The following SETBP1 variants were observed in gnomAD, a reference collection of about 807,000 sequenced individuals.
SETBP1 encodes the protein SET-binding protein.
A neutral mutation model predicts 101.0 loss-of-function variants in SETBP1; 9 were observed. The ratio of observed to expected loss-of-function variants is 0.09; its 90% confidence interval spans 0.05 to 0.16. The LOEUF is 0.16. SETBP1 is among the 10% of genes least tolerant of loss of function. The pLI, the probability that SETBP1 is intolerant of heterozygous loss-of-function variation, is 1.00. For synonymous variants in SETBP1, 818 were observed against 788.5 expected, an observed-to-expected ratio of 1.04 and a Z score of -0.63; for missense variants, 1,858 against 2,033.8, an observed-to-expected ratio of 0.91 and a Z score of 1.66.
chr18:44,916,768 A>C (rs1257145644), intron 3 of SETBP1, among the ~76,000 whole-genome samples: 1 of 152,258 alleles, frequency 6.6e-6, no homozygotes, highest in Non-Finnish European at 1.5e-5. Flanking sequence ...TGTCAACCTC[A>C]GACAAGTCAT....
At chr18:44,710,901 G>A (rs376196858) in intron 2 of SETBP1, among the ~76,000 whole-genome samples, 52 of 152,328 alleles carry the variant, frequency 3.4e-4, no homozygotes, top group African/African-American at 1.2e-3. Context: ...CCCCTATGGA[G>A]CCATCAGTGG....
intron 4 of SETBP1, among the ~76,000 whole-genome samples, chr18:44,980,290 A>T (rs2072083430): frequency 6.6e-6 from 1 of 152,200 alleles, no homozygotes; most frequent in Non-Finnish European, 1.5e-5. Flanking sequence ...AACTGTTTTT[A>T]GGGCTCAGCA....
intron 2 of SETBP1, among the ~76,000 whole-genome samples, chr18:44,767,893 A>G (rs1044337063): frequency 6.6e-6 from 1 of 152,244 alleles, no homozygotes; most frequent in African/African-American, 2.4e-5. Context: ...TAGGAAGCTG[A>G]TAAAGGATAG....
chr18:44,858,020 G>T (rs377323979), intron 2 of SETBP1, among the ~76,000 whole-genome samples: 1 of 152,110 alleles, frequency 6.6e-6, no homozygotes, highest in Admixed American at 6.5e-5. Flanking sequence ...AGTTTCTGGC[G>T]ACACAGCTGC....
chr18:44,917,721 G>A (rs1263428972), intron 3 of SETBP1, among the ~76,000 whole-genome samples: 1 of 152,142 alleles, frequency 6.6e-6, no homozygotes, highest in Admixed American at 6.5e-5. Flanking sequence ...AAGCCTGCCA[G>A]TGTCTGTTTC....
intron 3 of SETBP1, among the ~76,000 whole-genome samples, chr18:44,923,525 A>G (rs187831999): frequency 1.3e-5 from 2 of 152,326 alleles, no homozygotes; most frequent in East Asian, 1.9e-4. Flanking sequence ...AATTTGTCCT[A>G]TGCCAGCCAT....
intron 4 of SETBP1, among the ~76,000 whole-genome samples, chr18:44,974,012 C>A (rs1004410349): frequency 2.4e-4 from 37 of 151,918 alleles, no homozygotes; most frequent in African/African-American, 8.5e-4. Context: ...TGGTCAATAC[C>A]TATGTAAAAT....
chr18:44,962,907 TAAA>T (rs2071642137), intron 4 of SETBP1, among the ~76,000 whole-genome samples: 1 of 152,082 alleles, frequency 6.6e-6, no homozygotes, highest in South Asian at 2.1e-4. Flanking sequence ...GACCCAGAGA[TAAA>T]AAGCTTTCCC....
At chr18:44,712,773 G>T (rs1037118741) in intron 2 of SETBP1, among the ~76,000 whole-genome samples, 1 of 151,994 alleles carries the variant, frequency 6.6e-6, no homozygotes, top group Admixed American at 6.6e-5. Context: ...CGAATGAGAA[G>T]TTGAATTCAT....
chr18:44,775,700 G>C (rs896882129), intron 2 of SETBP1, among the ~76,000 whole-genome samples: 86 of 148,546 alleles, frequency 5.8e-4, no homozygotes, highest in African/African-American at 2.0e-3. Flanking sequence ...CAAGTGTAGA[G>C]AGCACCATTT....
At chr18:44,680,658 G>T (rs1452942135), upstream of SETBP1, among the ~76,000 whole-genome samples, 1 of 152,160 alleles carries the variant, frequency 6.6e-6, no homozygotes, top group Non-Finnish European at 1.5e-5. Context: ...GGCTCAATTG[G>T]AGTGGCTCGT....
At chr18:45,010,920 T>G (rs967476006) in intron 4 of SETBP1, among the ~76,000 whole-genome samples, 6 of 152,184 alleles carry the variant, frequency 3.9e-5, no homozygotes, top group Non-Finnish European at 8.8e-5. Flanking sequence ...AAAGCAAAGT[T>G]CTAATTTTAA....
At chr18:44,755,082 C>G (rs2070463120) in intron 2 of SETBP1, among the ~76,000 whole-genome samples, 2 of 152,218 alleles carry the variant, frequency 1.3e-5, no homozygotes, top group Admixed American at 6.5e-5. Context: ...CTGCAGGTTA[C>G]TAAAACTTCA....
At chr18:45,034,249 T>C (rs1389476212) in intron 4 of SETBP1, among the ~76,000 whole-genome samples, 1 of 152,228 alleles carries the variant, frequency 6.6e-6, no homozygotes, top group Non-Finnish European at 1.5e-5. Flanking sequence ...TGCTTTGGTC[T>C]CTGACCTTTT....
At chr18:44,891,825 A>G (rs2069777323) in intron 3 of SETBP1, among the ~76,000 whole-genome samples, 1 of 152,074 alleles carries the variant, frequency 6.6e-6, no homozygotes, top group African/African-American at 2.4e-5. Context: ...TTTCCTCTTT[A>G]GGTCACATGT....
At chr18:45,010,020 T>C (rs1278335924) in intron 4 of SETBP1, among the ~76,000 whole-genome samples, 1 of 152,226 alleles carries the variant, frequency 6.6e-6, no homozygotes, top group Non-Finnish European at 1.5e-5. Flanking sequence ...GTTCTGTTAC[T>C]GAGCACAACT....
intron 1 of SETBP1, among the ~76,000 whole-genome samples, chr18:44,682,729 C>T (rs1322092434): frequency 6.6e-6 from 1 of 152,100 alleles, no homozygotes; most frequent in Non-Finnish European, 1.5e-5. Flanking sequence ...GGGAATGTAG[C>T]CCCCAAAGAT....
At chr18:45,023,568 T>C (rs929857062) in intron 4 of SETBP1, among the ~76,000 whole-genome samples, 10 of 152,344 alleles carry the variant, frequency 6.6e-5, no homozygotes, top group Admixed American at 5.9e-4. Context: ...TAGCATCAAA[T>C]TGAATATGTA....
intron 2 of SETBP1, among the ~76,000 whole-genome samples, chr18:44,721,874 G>A (rs968471538): frequency 1.3e-5 from 2 of 152,216 alleles, no homozygotes; most frequent in Non-Finnish European, 2.9e-5. Context: ...TGTAAGCAGA[G>A]AAGCTACCTA....
Sources: allele counts gnomAD v4.1 joint callset (sites outside exome capture counted in the v4.1 genomes callset), GRCh38; gene constraint gnomAD v4.1.1; transcripts MANE v1.5; gene names NCBI Gene and HGNC (gene_info 2026-07-23, HGNC 2026-07-21).